Variants in GID4 observed in about 807,000 individuals in gnomAD.
The protein encoded by GID4 is glucose-induced degradation protein 4 homolog.
Under a neutral mutation model 32.4 loss-of-function variants are expected in GID4, and 7 were observed. The ratio of observed to expected loss-of-function variants is 0.22; its 90% CI spans 0.12 to 0.41. The LOEUF is 0.41. GID4 is among the 10% of genes least tolerant of loss of function. The probability of loss-of-function intolerance (pLI) is 1.00; values close to 1 mark genes in which losing one functional copy is unlikely to be tolerated. For missense variants in GID4, 309 were observed against 400.0 expected, an observed-to-expected ratio of 0.77 and a Z score of 1.94; for synonymous variants, 166 against 170.0, an observed-to-expected ratio of 0.98 and a Z score of 0.18.
chr17:18,047,606 C>T (rs2044867156), intron 2 of GID4, among the ~76,000 whole-genome samples: 1 of 152,164 alleles, frequency 6.6e-6, no homozygotes, highest in Non-Finnish European at 1.5e-5. Context: ...GGGGGCTAAC[C>T]CAAGGGGAGC....
chr17:18,045,229 C>A, intron 2 of GID4, 23 bp downstream of exon 2: 1 of 1,601,798 alleles, frequency 6.2e-7, no homozygotes, highest in Non-Finnish European at 8.6e-7. Flanking sequence ...TCACACAAAC[C>A]AGCACTAGAA....
intron 1 of GID4, among the ~76,000 whole-genome samples, chr17:18,040,876 C>T (rs2044792983): frequency 6.6e-6 from 1 of 152,188 alleles, no homozygotes; most frequent in African/African-American, 2.4e-5. Flanking sequence ...CCCATTTGAC[C>T]TGGATTCCTG....
chr17:18,065,056 G>T (rs952318126), intron 5 of GID4, 124 bp from the exon 6 acceptor site: 1 of 706,002 alleles, frequency 1.4e-6, no homozygotes, highest in East Asian at 2.6e-5. Flanking sequence ...AATAGAAAAT[G>T]AATGTGCATT....
At chr17:18,056,304 T>G (rs1349666711) in intron 3 of GID4, among the ~76,000 whole-genome samples, 1 of 152,242 alleles carries the variant, frequency 6.6e-6, no homozygotes, top group Non-Finnish European at 1.5e-5. Flanking sequence ...AACTAGACAG[T>G]CATTTGTGTC....
At chr17:18,052,052 C>A (rs966490690) in intron 2 of GID4, among the ~76,000 whole-genome samples, 7 of 146,736 alleles carry the variant, frequency 4.8e-5, no homozygotes, top group Non-Finnish European at 8.9e-5. Flanking sequence ...CCGGTCTGGG[C>A]GACAGAGCAA....
intron 1 of GID4, 151 bp downstream of exon 1, chr17:18,040,053 C>T (rs2044775946): frequency 9.1e-7 from 1 of 1,099,376 alleles, no homozygotes; most frequent in Non-Finnish European, 1.2e-6. Flanking sequence ...CCTTCCCAGC[C>T]TGTGTCTCAC....
At chr17:18,054,765 C>G (rs1000762022) in intron 3 of GID4, among the ~76,000 whole-genome samples, 5 of 152,148 alleles carry the variant, frequency 3.3e-5, no homozygotes, top group African/African-American at 9.7e-5. Flanking sequence ...CTGCTGCCCC[C>G]CTTTTTAACT....
At chr17:18,048,746 A>T (rs1224871920) in intron 2 of GID4, among the ~76,000 whole-genome samples, 1 of 149,832 alleles carries the variant, frequency 6.7e-6, no homozygotes. Flanking sequence ...AGGTTCAAGC[A>T]ATTCCCATGC....
chr17:18,039,409 T>A lies in GID4; in HGVS notation c.-56T>A, dbSNP rs1343326079. On this transcript the variant is annotated 5_prime_UTR_variant, in exon 1 of 6. Coordinates refer to ENST00000268719, the MANE Select transcript of GID4 (RefSeq NM_024052.5). The surrounding 1 kb of genome is among the most constrained non-coding windows in gnomAD (Gnocchi z 5.3). ...TGAGCCAATCGGAAGGGGCGGGGTG[T>A]GTGTGTGTCTGTGTGTGTTTGTGTG... 8.5e-7 allele frequency: 1 copy of A among 1,174,166 alleles called. No individual in the cohort carries two copies. Among genetic ancestry groups the A allele is most frequent in the Non-Finnish European group, 1.2e-6 (1 of 867,648 alleles). 72.7% of individuals were successfully genotyped at this position (1,174,166 alleles called of 1,614,324 possible).
At chr17:18,040,804 C>G (rs899746174) in intron 1 of GID4, among the ~76,000 whole-genome samples, 1 of 152,214 alleles carries the variant, frequency 6.6e-6, no homozygotes, top group African/African-American at 2.4e-5. Context: ...CTCTTAGTCT[C>G]TGGTACCCAT....
intron 4 of GID4, among the ~76,000 whole-genome samples, chr17:18,060,101 A>G (rs1374064522): frequency 1.6e-4 from 23 of 147,824 alleles, no homozygotes; most frequent in East Asian, 4.1e-4. Context: ...AAAAAAAAAA[A>G]AAAAAGAAAT....
rs1345078213 is a variant in GID4, at chr17:18,066,250, C to T, written c.*1007C>T. ...TTGCAGCATTGCCTAAATTATAGTG[C>T]TCAACACAAGAACTGTTTTTGGGGC... On this transcript the variant is annotated 3_prime_UTR_variant, in exon 6 of 6. Transcript: ENST00000268719. The T allele has an allele frequency of 1.3e-5, 2 of 152,556 alleles. No individual in the cohort carries two copies. Among genetic ancestry groups the T allele is most frequent in the Non-Finnish European group, 2.9e-5 (2 of 68,036 alleles). The allele number at this position is 152,556 out of a possible 1,614,324, so 9.5% of individuals were successfully genotyped here. A position where few individuals can be genotyped will look rare whatever the true frequency, so the allele number is the denominator to read the frequency against.
Position 18,065,334 on chromosome 17 carries a change from T to G in GID4, c.*91T>G. ...GTGTACCTGCCAGAACCAGGAGAAG[T>G]GTGTTCCTGTTTCTTCACGAGCAGA... is the stretch of plus-strand genomic sequence containing the variant. On this transcript the variant is annotated 3_prime_UTR_variant, in exon 6 of 6. Coordinates refer to ENST00000268719, the MANE Select transcript of GID4 (RefSeq NM_024052.5). 1.1e-6 allele frequency: 1 copy of G among 928,132 alleles called. No homozygotes were observed. Among genetic ancestry groups the G allele is most frequent in the South Asian group, 1.4e-5 (1 of 73,708 alleles). 57.5% of individuals were successfully genotyped at this position (928,132 alleles called of 1,614,324 possible).
chr17:18,062,184 G>A, intron 5 of GID4: 1 of 486,248 alleles, frequency 2.1e-6, no homozygotes, highest in East Asian at 3.1e-5. Context: ...AGATGAAAAT[G>A]AATTATAGGT....
intron 3 of GID4, among the ~76,000 whole-genome samples, chr17:18,056,009 C>T (rs916856035): frequency 1.3e-5 from 2 of 152,008 alleles, no homozygotes; most frequent in Non-Finnish European, 2.9e-5. Flanking sequence ...CGTGCACCAC[C>T]GTGCCTGGCT....
rs528228521 is a variant in GID4, at chr17:18,066,444, G to T, written c.*1201G>T. 2 of 142,014 alleles carry T rather than the reference G, an allele frequency of 1.4e-5. No homozygotes were observed. Among genetic ancestry groups the T allele is most frequent in the South Asian group, 2.4e-4 (1 of 4,252 alleles). 8.8% of individuals were successfully genotyped at this position (142,014 alleles called of 1,614,324 possible). ...CATGCTCAAATAACTCGAGGCTCAC[G>T]TGCCAAAGTGTGTGTGTGTGTGTGT... is the stretch of plus-strand genomic sequence containing the variant. On this transcript the variant is annotated 3_prime_UTR_variant, in exon 6 of 6. Transcript: ENST00000268719.
chr17:18,060,218 T>C (rs1449741708), intron 4 of GID4, among the ~76,000 whole-genome samples: 3 of 150,040 alleles, frequency 2.0e-5, no homozygotes, highest in Admixed American at 6.6e-5. Context: ...GCCAATGTGG[T>C]GAAACCCCGT....
chr17:18,055,401 G>A (rs1172513884), intron 3 of GID4, among the ~76,000 whole-genome samples: 2 of 152,122 alleles, frequency 1.3e-5, no homozygotes, highest in Non-Finnish European at 2.9e-5. Flanking sequence ...AGTCTGTGGA[G>A]AGAACTCCCG....
chr17:18,062,189 A>G (rs1051490734), intron 5 of GID4: 3 of 483,770 alleles, frequency 6.2e-6, no homozygotes, highest in African/African-American at 3.8e-5. Flanking sequence ...AAAATGAATT[A>G]TAGGTGAAAG....
Sources: allele counts gnomAD v4.1 joint callset (sites outside exome capture counted in the v4.1 genomes callset), GRCh38; gene constraint gnomAD v4.1.1; non-coding constraint Gnocchi (gnomAD v3.1); transcripts MANE v1.5; gene names NCBI Gene and HGNC (gene_info 2026-07-23, HGNC 2026-07-21).